Variants in COMMD1 observed in about 807,000 individuals in gnomAD.
COMMD1 encodes the protein COMM domain-containing protein 1.
Under a neutral mutation model 17.2 loss-of-function variants are expected in COMMD1, and 10 were observed. The ratio of observed to expected loss-of-function variants is 0.58; its 90% confidence interval spans 0.36 to 0.99. The LOEUF (loss-of-function observed/expected upper bound fraction) is 0.99, where lower values mean the gene tolerates loss of function less well. Ranked by LOEUF, COMMD1 falls within the 50% of genes least tolerant of loss-of-function variation. The probability of loss-of-function intolerance (pLI) is 0.01; values close to 1 mark genes in which losing one functional copy is unlikely to be tolerated. For missense variants in COMMD1, 270 were observed against 231.8 expected (o/e 1.17, Z -1.07); for synonymous variants, 97 against 91.6 (o/e 1.06, Z -0.34).
chr2:61,988,257 A>C (rs916112196), intron 1 of COMMD1, among the ~76,000 whole-genome samples: 4 of 151,936 alleles, frequency 2.6e-5, no homozygotes, highest in African/African-American at 9.7e-5. Flanking sequence ...ATAGGTAGGA[A>C]TGTGGTAGGT....
chr2:62,135,525 A>G (rs1673170103), intron 2 of COMMD1, among the ~76,000 whole-genome samples: 2 of 151,680 alleles, frequency 1.3e-5, no homozygotes, highest in Admixed American at 6.6e-5. Flanking sequence ...CTAATTTTTT[A>G]TATTTTTAGT....
At chr2:62,035,205 TAAAG>T (rs1025257792) in intron 2 of COMMD1, among the ~76,000 whole-genome samples, 3 of 152,198 alleles carry the variant, frequency 2.0e-5, no homozygotes, top group African/African-American at 4.8e-5. Context: ...TACTGATACT[TAAAG>T]AAAAGAAATG....
chr2:61,964,203 C>T (rs1671446161), intron 1 of COMMD1, among the ~76,000 whole-genome samples: 1 of 152,120 alleles, frequency 6.6e-6, no homozygotes. Context: ...TGTTCTTTCT[C>T]TCATCTCATT....
intron 1 of COMMD1, among the ~76,000 whole-genome samples, chr2:61,978,026 G>T (rs1214891040): frequency 2.0e-5 from 3 of 151,450 alleles, no homozygotes; most frequent in Non-Finnish European, 4.4e-5. Flanking sequence ...CAGGCATGGT[G>T]GATCATTCCA....
At chr2:61,902,033 A>G (rs1479641850), upstream of COMMD1, among the ~76,000 whole-genome samples, 5 of 151,804 alleles carry the variant, frequency 3.3e-5, no homozygotes, top group African/African-American at 2.4e-5. Context: ...AAGTTTCACC[A>G]TGTTGGCCAG....
chr2:61,932,812 T>G (rs1334185687), intron 1 of COMMD1, among the ~76,000 whole-genome samples: 1 of 152,168 alleles, frequency 6.6e-6, no homozygotes, highest in Non-Finnish European at 1.5e-5. Flanking sequence ...CAGTTGATCC[T>G]CTCTGGCAGG....
At chr2:62,064,777 C>G (rs1297307251) in intron 2 of COMMD1, among the ~76,000 whole-genome samples, 1 of 151,960 alleles carries the variant, frequency 6.6e-6, no homozygotes, top group Non-Finnish European at 1.5e-5. Flanking sequence ...ATTTATCTAA[C>G]CTTTCTAAAT....
At chr2:62,033,399 T>G (rs1669961358) in intron 2 of COMMD1, among the ~76,000 whole-genome samples, 1 of 152,196 alleles carries the variant, frequency 6.6e-6, no homozygotes. Flanking sequence ...TTTTTTGGAA[T>G]GAAAATGTTG....
At chr2:62,024,892 T>C (rs1303393400) in intron 2 of COMMD1, among the ~76,000 whole-genome samples, 1 of 152,206 alleles carries the variant, frequency 6.6e-6, no homozygotes, top group Non-Finnish European at 1.5e-5. Context: ...CTTTATTTCT[T>C]AGTGAACTAG....
chr2:61,969,528 C>T (rs774847315), intron 1 of COMMD1, among the ~76,000 whole-genome samples: 1 of 152,194 alleles, frequency 6.6e-6, no homozygotes, highest in South Asian at 2.1e-4. Context: ...TTCTTGGAAA[C>T]TTGACAGAAC....
chr2:61,968,719 G>C (rs1248020048), intron 1 of COMMD1, among the ~76,000 whole-genome samples: 2 of 151,768 alleles, frequency 1.3e-5, no homozygotes, highest in Non-Finnish European at 2.9e-5. Context: ...ACCATGCCTG[G>C]CTCATTTTTT....
chr2:62,095,655 A>G (rs1253915924), intron 2 of COMMD1, among the ~76,000 whole-genome samples: 1 of 151,460 alleles, frequency 6.6e-6, no homozygotes, highest in Admixed American at 6.6e-5. Context: ...GTATAAGTGC[A>G]ACTGACTCAG....
At chr2:61,979,149 C>T (rs1039158884) in intron 1 of COMMD1, among the ~76,000 whole-genome samples, 4 of 152,110 alleles carry the variant, frequency 2.6e-5, no homozygotes, top group Admixed American at 2.0e-4. Context: ...AACCATCTGT[C>T]TACCCTCTTT....
rs933173844 is a variant in COMMD1, at chr2:61,930,650, T to TGA, written c.180+24793_180+24794insAG. 1.2e-4 allele frequency among the ~76,000 whole-genome samples: 18 copies of TGA among 151,900 alleles called. No individual in the cohort carries two copies. In the South Asian group the frequency reaches 3.7e-3, roughly 32 times the overall value. ...GTGTGTGTGTGTGTGTGTGTGTGTG[T>TGA]GTGTGTGAGTGAGTGTTTGAGCTCA... On this transcript the variant is annotated intron_variant, in intron 1 of 2. Coordinates refer to ENST00000311832, the MANE Select transcript of COMMD1 (RefSeq NM_152516.4).
intron 1 of COMMD1, among the ~76,000 whole-genome samples, chr2:61,927,929 T>C (rs975207052): frequency 2.0e-5 from 3 of 152,130 alleles, no homozygotes; most frequent in Non-Finnish European, 4.4e-5. Flanking sequence ...CACGCCTGGC[T>C]AATTTTTATT....
intron 1 of COMMD1, among the ~76,000 whole-genome samples, chr2:61,947,410 C>T (rs934098076): frequency 5.3e-5 from 8 of 152,138 alleles, no homozygotes; most frequent in Non-Finnish European, 7.4e-5. Flanking sequence ...AGGCCAGGCG[C>T]GGTGGCTTAT....
At chr2:61,900,202 G>C (rs935398463) in intron 1 of COMMD1, among the ~76,000 whole-genome samples, 15 of 152,206 alleles carry the variant, frequency 9.9e-5, no homozygotes, top group Non-Finnish European at 1.9e-4. Flanking sequence ...TGCATTTCAG[G>C]GAGGCAGGAG....
intron 1 of COMMD1, among the ~76,000 whole-genome samples, chr2:61,957,030 C>T (rs931611502): frequency 5.3e-5 from 8 of 151,632 alleles, no homozygotes; most frequent in East Asian, 1.9e-4. Flanking sequence ...GGATTATAGG[C>T]GTGAGCCACC....
At chr2:62,021,460 A>G (rs1386981626) in intron 2 of COMMD1, among the ~76,000 whole-genome samples, 2 of 152,200 alleles carry the variant, frequency 1.3e-5, no homozygotes, top group Admixed American at 6.5e-5. Flanking sequence ...TGTATCTTTA[A>G]TAAGCAAATG....
Sources: allele counts gnomAD v4.1 joint callset (sites outside exome capture counted in the v4.1 genomes callset), GRCh38; gene constraint gnomAD v4.1.1; transcripts MANE v1.5; gene names NCBI Gene and HGNC (gene_info 2026-07-23, HGNC 2026-07-21).